The following LCORL variants were observed in gnomAD, a reference collection of about 807,000 sequenced individuals.
LCORL encodes the protein ligand dependent nuclear receptor corepressor like, also known as ligand-dependent nuclear receptor corepressor-like protein.
Under a neutral mutation model 141.8 loss-of-function variants are expected in LCORL, and 41 were observed. That is an observed-to-expected ratio of 0.29 (90% CI 0.23 to 0.38). The LOEUF is 0.38. Among genes scored for constraint, LCORL ranks in the 10% least tolerant of loss-of-function variants. The pLI is 1.00. For missense variants in LCORL, 1,759 were observed against 2,035.0 expected, an observed-to-expected ratio of 0.86 and a Z score of 2.61; for synonymous variants, 618 against 694.1, an observed-to-expected ratio of 0.89 and a Z score of 1.72.
intron 2 of LCORL, 98 bp from the exon 3 acceptor site, chr4:17,963,147 T>TA (rs1714182298): frequency 7.4e-6 from 4 of 543,716 alleles, no homozygotes; most frequent in Non-Finnish European, 3.2e-6. Context: ...TAATAATTTT[T>TA]AAAAAACTAA....
At chr4:17,845,103 G>A (rs1049409170) in exon 8 of LCORL, 2 of 152,394 alleles carry the variant, frequency 1.3e-5, no homozygotes, top group Non-Finnish European at 2.9e-5. Flanking sequence ...CAGATTTGCT[G>A]AACAGTAAAC....
At chr4:17,868,349 G>A (rs150093657) in intron 7 of LCORL, among the ~76,000 whole-genome samples, 1 of 152,110 alleles carries the variant, frequency 6.6e-6, no homozygotes, top group Non-Finnish European at 1.5e-5. Flanking sequence ...TCGATTCAAA[G>A]TGTCAACTGA....
chr4:17,859,273 A>AC (rs1724718455), intron 7 of LCORL, among the ~76,000 whole-genome samples: 1 of 151,440 alleles, frequency 6.6e-6, no homozygotes, highest in African/African-American at 2.5e-5. Flanking sequence ...ACGATGTTAG[A>AC]TAGGTTAAGT....
chr4:17,896,030 T>C (rs1729871335), intron 5 of LCORL, among the ~76,000 whole-genome samples: 1 of 152,202 alleles, frequency 6.6e-6, no homozygotes, highest in Non-Finnish European at 1.5e-5. Flanking sequence ...TGTGGACATA[T>C]GTTTTCGATT....
chr4:17,936,472 A>AT (rs994018540), intron 4 of LCORL, among the ~76,000 whole-genome samples: 1 of 151,676 alleles, frequency 6.6e-6, no homozygotes, highest in Admixed American at 6.6e-5. Context: ...CCAGATCAGT[A>AT]TTTTTTTTCC....
chr4:18,013,850 C>T (rs1329067711), intron 1 of LCORL, among the ~76,000 whole-genome samples: 1 of 151,858 alleles, frequency 6.6e-6, no homozygotes, highest in African/African-American at 2.4e-5. Flanking sequence ...GGTCTGTCAC[C>T]TAGGCTGGAG....
At chr4:17,843,214 T>C in exon 8 of LCORL, 1 of 1,408,066 alleles carries the variant, frequency 7.1e-7, no homozygotes. Flanking sequence ...ACTGATAGAA[T>C]GTGAGTCAGA....
chr4:17,984,446 G>A (rs907436423), intron 1 of LCORL, among the ~76,000 whole-genome samples: 1 of 151,972 alleles, frequency 6.6e-6, no homozygotes, highest in Admixed American at 6.6e-5. Flanking sequence ...CAATTTAGGA[G>A]CTCATTATTG....
intron 1 of LCORL, among the ~76,000 whole-genome samples, chr4:18,011,151 C>A (rs1359790362): frequency 6.6e-6 from 1 of 152,130 alleles, no homozygotes; most frequent in Non-Finnish European, 1.5e-5. Context: ...CCCCATCAAG[C>A]TATTCCTCTA....
At chr4:17,860,622 C>T (rs1046784068) in intron 7 of LCORL, among the ~76,000 whole-genome samples, 1 of 152,166 alleles carries the variant, frequency 6.6e-6, no homozygotes, top group Non-Finnish European at 1.5e-5. Flanking sequence ...TCATGCCTTC[C>T]CAACAGTCCC....
intron 7 of LCORL, among the ~76,000 whole-genome samples, chr4:17,868,285 A>G (rs2109154528): frequency 6.6e-6 from 1 of 152,300 alleles, no homozygotes; most frequent in South Asian, 2.1e-4. Context: ...TTTTGACGAC[A>G]GATGGCAAAA....
chr4:17,874,307 G>C, exon 7 of LCORL: 1 of 1,233,894 alleles, frequency 8.1e-7, no homozygotes, highest in Non-Finnish European at 1.0e-6. Flanking sequence ...AAGGAGAAGA[G>C]AGTGCAAATT....
chr4:17,926,656 C>T (rs567460011), intron 4 of LCORL, among the ~76,000 whole-genome samples: 2 of 152,334 alleles, frequency 1.3e-5, no homozygotes, highest in African/African-American at 4.8e-5. Context: ...TGGGACTTCA[C>T]CTTGTGATCA....
intron 1 of LCORL, among the ~76,000 whole-genome samples, chr4:17,998,059 A>G (rs1207715702): frequency 6.6e-6 from 1 of 152,200 alleles, no homozygotes; most frequent in Admixed American, 6.5e-5. Context: ...TCTGTACAGA[A>G]CGTTACTGTA....
exon 7 of LCORL, chr4:17,877,566 T>C: frequency 8.1e-7 from 1 of 1,230,674 alleles, no homozygotes; most frequent in Non-Finnish European, 1.0e-6. Flanking sequence ...AGATGGAGGC[T>C]GGTTAATGTT....
chr4:17,861,588 C>T (rs1433794594), intron 7 of LCORL, among the ~76,000 whole-genome samples: 1 of 152,160 alleles, frequency 6.6e-6, no homozygotes, highest in Non-Finnish European at 1.5e-5. Context: ...ACGTGTGGCT[C>T]CTCATTAGTT....
At chr4:17,870,039 T>C (rs1726151046) in intron 7 of LCORL, among the ~76,000 whole-genome samples, 7 of 152,228 alleles carry the variant, frequency 4.6e-5, no homozygotes, top group Admixed American at 4.6e-4. Flanking sequence ...ATATGGGCTA[T>C]GCTTCCCTCA....
chr4:17,944,222 T>C (rs970482371), intron 4 of LCORL, among the ~76,000 whole-genome samples: 5 of 152,184 alleles, frequency 3.3e-5, no homozygotes, highest in African/African-American at 1.2e-4. Flanking sequence ...TCATTGATTT[T>C]AGTTACTTTA....
At chr4:17,965,031 C>T (rs945727691) in intron 2 of LCORL, among the ~76,000 whole-genome samples, 4 of 151,968 alleles carry the variant, frequency 2.6e-5, no homozygotes, top group Admixed American at 2.6e-4. Flanking sequence ...AAGACAATTG[C>T]CAGTTGTAAG....
Sources: allele counts gnomAD v4.1 joint callset (sites outside exome capture counted in the v4.1 genomes callset), GRCh38; gene constraint gnomAD v4.1.1; transcripts MANE v1.5; gene names NCBI Gene and HGNC (gene_info 2026-07-23, HGNC 2026-07-21).